The following EHD1 variants were observed in gnomAD, a reference collection of about 807,000 sequenced individuals.
EHD1 encodes EH domain containing 1.
In EHD1, 19 loss-of-function variants were observed where a neutral mutation model predicts 39.0. That is an observed-to-expected ratio of 0.49 (90% CI 0.34 to 0.72). The LOEUF (loss-of-function observed/expected upper bound fraction) is 0.72, where lower values mean the gene tolerates loss of function less well. Among genes scored for constraint, EHD1 ranks in the 30% least tolerant of loss-of-function variants. The probability of loss-of-function intolerance (pLI) is 0.01; values close to 1 mark genes in which losing one functional copy is unlikely to be tolerated. For missense variants in EHD1, 542 were observed against 751.5 expected, an observed-to-expected ratio of 0.72 and a Z score of 3.26; for synonymous variants, 323 against 331.2, an observed-to-expected ratio of 0.98 and a Z score of 0.27.
At chr11:64,879,490 G>A, upstream of EHD1, 1 of 1,417,418 alleles carries the variant, frequency 7.1e-7, no homozygotes, top group South Asian at 1.3e-5. Flanking sequence ...AAGTGTGGGG[G>A]CAACAATGAA....
chr11:64,863,513 G>GACA (rs2136485480), intron 2 of EHD1, among the ~76,000 whole-genome samples: 1 of 152,320 alleles, frequency 6.6e-6, no homozygotes, highest in South Asian at 2.1e-4. Context: ...AGCCCTCCAG[G>GACA]ACAAAGGCAG....
intron 2 of EHD1, among the ~76,000 whole-genome samples, chr11:64,864,109 G>A (rs1199509621): frequency 1.3e-5 from 2 of 152,236 alleles, no homozygotes; most frequent in African/African-American, 2.4e-5. Context: ...GGTGATGTGC[G>A]GCCGTTCCCT....
At chr11:64,865,349 ACT>A (rs1306509646) in intron 2 of EHD1, among the ~76,000 whole-genome samples, 1 of 152,198 alleles carries the variant, frequency 6.6e-6, no homozygotes, top group Non-Finnish European at 1.5e-5. Flanking sequence ...ACACTGAGCC[ACT>A]CTCTAGATCA....
At chr11:64,859,105 C>T (rs1006503495) in intron 3 of EHD1, among the ~76,000 whole-genome samples, 5 of 152,206 alleles carry the variant, frequency 3.3e-5, no homozygotes, top group African/African-American at 9.7e-5. Context: ...GTGCTCGCTC[C>T]GAGACGACAC....
chr11:64,857,216 G>A (rs1290530249), intron 3 of EHD1, among the ~76,000 whole-genome samples: 2 of 152,190 alleles, frequency 1.3e-5, no homozygotes, highest in Non-Finnish European at 2.9e-5. Context: ...CCTAAAGTCA[G>A]GAGTTCGAGA....
chr11:64,855,934 C>CAGCCCTGCGG (rs1565716077), intron 3 of EHD1: 1 of 3,922 alleles, frequency 2.5e-4, no homozygotes, highest in African/African-American at 3.2e-4. Flanking sequence ...ACCCTCACCA[C>CAGCCCTGCGG]GCATCACACA....
At chr11:64,861,163 G>A (rs1039489665) in intron 2 of EHD1, among the ~76,000 whole-genome samples, 6 of 151,146 alleles carry the variant, frequency 4.0e-5, no homozygotes, top group South Asian at 2.1e-4. Context: ...TCCAGCCTGC[G>A]TGACACAGCG....
intron 2 of EHD1, 95 bp from the exon 3 acceptor site, chr11:64,860,431 G>A: frequency 1.4e-6 from 2 of 1,460,808 alleles, no homozygotes; most frequent in Non-Finnish European, 9.1e-7. Context: ...CTCAGCCTGA[G>A]ATAGTTTTTA....
At chr11:64,863,036 C>T (rs1592748398) in intron 2 of EHD1, among the ~76,000 whole-genome samples, 1 of 152,254 alleles carries the variant, frequency 6.6e-6, no homozygotes, top group Non-Finnish European at 1.5e-5. Context: ...GCCACATCCT[C>T]TCTGCCTGAT....
At chr11:64,874,379 G>A (rs758033837) in intron 2 of EHD1, 42 bp downstream of exon 2, 14 of 1,527,784 alleles carry the variant, frequency 9.2e-6, no homozygotes, top group African/African-American at 2.7e-5. Flanking sequence ...AGAAGGATGT[G>A]TGACAACACC....
chr11:64,862,278 T>C (rs1040028851), intron 2 of EHD1, among the ~76,000 whole-genome samples: 1 of 152,200 alleles, frequency 6.6e-6, no homozygotes, highest in African/African-American at 2.4e-5. Flanking sequence ...TTAAAGTGAA[T>C]TCTGTCGCCT....
rs1037786034 is a variant in EHD1 at position 64,860,428 on chromosome 11, T to C, written c.503-92A>G. On this transcript the variant is annotated intron_variant, in intron 2 of 4. Transcript: ENST00000320631. ...CAACCTGGCCTGGTATTTCTCAGCC[T>C]GAGATAGTTTTTAAAATTCCTATAG... 9 of 1,464,964 alleles carry C rather than the reference T, an allele frequency of 6.1e-6. No individual in the cohort carries two copies. The South Asian group carries it at 1.2e-4, about 20-fold the overall frequency. 90.7% of individuals were successfully genotyped at this position (1,464,964 alleles called of 1,614,324 possible). A position where few individuals can be genotyped will look rare whatever the true frequency, so the allele number is the denominator to read the frequency against.
chr11:64,863,227 G>A (rs995465880), intron 2 of EHD1, among the ~76,000 whole-genome samples: 4 of 152,198 alleles, frequency 2.6e-5, no homozygotes, highest in Non-Finnish European at 4.4e-5. Context: ...GGGCCCAAAC[G>A]AGTCCTCAGC....
upstream of EHD1, chr11:64,878,682 G>C: frequency 7.4e-7 from 1 of 1,344,110 alleles, no homozygotes. Flanking sequence ...GGCTAGCGCC[G>C]CCGCGGCGGG....
At chr11:64,866,772 T>A (rs1943771384) in intron 2 of EHD1, among the ~76,000 whole-genome samples, 2 of 151,920 alleles carry the variant, frequency 1.3e-5, no homozygotes, top group Admixed American at 6.6e-5. Flanking sequence ...CCCACCACAC[T>A]CCATTTACCT....
intron 3 of EHD1, chr11:64,856,265 G>T: frequency 6.5e-6 from 1 of 152,700 alleles, no homozygotes; most frequent in Non-Finnish European, 1.5e-5. Flanking sequence ...GCTTCCTGCA[G>T]GGCCCACCAG....
rs1028729259 is a variant in EHD1, at chr11:64,853,987, C to T, written c.*346G>A. Reference sequence around the variant, plus strand: ...CCAAAAGGGCGACCTGGCTCCCCCACGGTCGCAGTCGCTGCACTGTCCAGC... The same window carrying T: ...CCAAAAGGGCGACCTGGCTCCCCCATGGTCGCAGTCGCTGCACTGTCCAGC... On this transcript the variant is annotated 3_prime_UTR_variant, in exon 5 of 5. Coordinates refer to ENST00000320631, the MANE Select transcript of EHD1 (RefSeq NM_006795.4). 2.4e-4 allele frequency: 76 copies of T among 311,554 alleles called. No individual in the cohort carries two copies. The highest frequency in any genetic ancestry group is 1.4e-3 in the African/African-American group (68 of 47,662). 19.3% of individuals were successfully genotyped at this position (311,554 alleles called of 1,614,324 possible). A position where few individuals can be genotyped will look rare whatever the true frequency, so the allele number is the denominator to read the frequency against.
chr11:64,852,865 G>A lies in EHD1; in HGVS notation c.*1468C>T, dbSNP rs1592741058. ...CCCGCATCCATCCTCACCTAATACTGTATGGAGTGACGGGCTAAGGAGAAC... is the reference window on the plus strand; with the variant it reads ...CCCGCATCCATCCTCACCTAATACTATATGGAGTGACGGGCTAAGGAGAAC... On this transcript the variant is annotated 3_prime_UTR_variant, in exon 5 of 5. Coordinates refer to ENST00000320631, the MANE Select transcript of EHD1 (RefSeq NM_006795.4). The A allele has an allele frequency of 1.3e-5, 2 of 152,620 alleles. No homozygotes were observed. The highest frequency in any genetic ancestry group is 2.1e-4 in the South Asian group (1 of 4,834). The allele number at this position is 152,620 out of a possible 1,614,324, so 9.5% of individuals were successfully genotyped here.
intron 2 of EHD1, among the ~76,000 whole-genome samples, chr11:64,873,117 T>G (rs1943847258): frequency 6.6e-6 from 1 of 152,180 alleles, no homozygotes; most frequent in African/African-American, 2.4e-5. Context: ...AAAGGGGCAG[T>G]GACAGATGGA....
Sources: gnomAD v4.1 joint callset for allele counts (sites outside exome capture counted in the v4.1 genomes callset) on GRCh38, gnomAD v4.1.1 for gene constraint, MANE v1.5 for transcripts, NCBI Gene and HGNC (gene_info 2026-07-23, HGNC 2026-07-21) for gene names.